Variants in SLCO1B1 observed in about 807,000 individuals in gnomAD.
SLCO1B1 encodes solute carrier organic anion transporter family member 1B1.
In SLCO1B1, 81 loss-of-function variants were observed where a neutral mutation model predicts 70.1. The ratio of observed to expected loss-of-function variants is 1.16; its 90% CI spans 0.97 to 1.39. The LOEUF is 1.39. Among genes scored for constraint, SLCO1B1 ranks in the 40% most tolerant of loss-of-function variants. SLCO1B1 has a pLI of 0.00. For missense variants in SLCO1B1, 895 were observed against 799.6 expected (o/e 1.12, Z -1.44); for synonymous variants, 283 against 271.5 (o/e 1.04, Z -0.42).
intron 10 of SLCO1B1, among the ~76,000 whole-genome samples, chr12:21,203,261 G>A (rs900425414): frequency 5.3e-5 from 8 of 151,914 alleles, no homozygotes; most frequent in Non-Finnish European, 7.4e-5. Context: ...ATTGGAAGTA[G>A]CATTAAGAAA....
chr12:21,188,147 A>G (rs1353317412), intron 7 of SLCO1B1, among the ~76,000 whole-genome samples: 2 of 152,074 alleles, frequency 1.3e-5, no homozygotes, highest in African/African-American at 4.8e-5. Context: ...CCACAAAGTC[A>G]AATAGAAATT....
At chr12:21,137,600 A>C (rs1214491936) in intron 1 of SLCO1B1, among the ~76,000 whole-genome samples, 2 of 152,168 alleles carry the variant, frequency 1.3e-5, no homozygotes, top group Non-Finnish European at 2.9e-5. Flanking sequence ...CTGTGCTTGC[A>C]ATGAGCGAGA....
At chr12:21,199,745 C>T (rs969124341) in intron 8 of SLCO1B1, among the ~76,000 whole-genome samples, 1 of 151,722 alleles carries the variant, frequency 6.6e-6, no homozygotes, top group African/African-American at 2.4e-5. Flanking sequence ...AAATAAGAAA[C>T]ATCATATGTC....
intron 2 of SLCO1B1, among the ~76,000 whole-genome samples, chr12:21,144,738 A>G (rs1474664772): frequency 6.6e-6 from 1 of 152,200 alleles, no homozygotes; most frequent in African/African-American, 2.4e-5. Context: ...CTTACAAGCT[A>G]GAAGAGATTG....
intron 12 of SLCO1B1, among the ~76,000 whole-genome samples, chr12:21,220,835 A>G (rs2084434368): frequency 6.6e-6 from 1 of 151,676 alleles, no homozygotes; most frequent in Admixed American, 6.6e-5. Flanking sequence ...AAAAAAGAAA[A>G]GAAAACCACA....
At chr12:21,181,471 C>G in intron 7 of SLCO1B1, among the ~76,000 whole-genome samples, 1 of 152,060 alleles carries the variant, frequency 6.6e-6, no homozygotes, top group East Asian at 1.9e-4. Flanking sequence ...TCATATAAAT[C>G]AAATTTAAAC....
chr12:21,233,410 G>C (rs1273873729), intron 14 of SLCO1B1, among the ~76,000 whole-genome samples: 1 of 151,974 alleles, frequency 6.6e-6, no homozygotes. Context: ...CAAGAATTCC[G>C]AGTCTTCCTC....
In SLCO1B1 at chr12:21,176,903, A is replaced by T; in HGVS notation, c.481+6A>T. 1.3e-6 allele frequency: 2 copies of T among 1,545,150 alleles called. No homozygotes were observed. The highest frequency in any genetic ancestry group is 1.8e-6 in the Non-Finnish European group (2 of 1,117,406). ...ACCTGAGATAGTGGGAAAAGGTAAG[A>T]ATTAATATTGACAGTAAAAAGTCTT... On this transcript the variant is annotated splice_donor_region_variant and intron_variant, in intron 5 of 14. Transcript: ENST00000256958.
intron 8 of SLCO1B1, among the ~76,000 whole-genome samples, chr12:21,197,755 T>G (rs11045856): frequency 0.16 from 24,626 of 152,024 alleles, 2,642 homozygotes; most frequent in Non-Finnish European, 0.24. Context: ...TAATATTTAT[T>G]TTGGTAATTA....
Position 21,220,011 on chromosome 12 carries a change from T to C in SLCO1B1, c.1683-2289T>C, listed in dbSNP as rs550124324. 2.0e-5 allele frequency among the ~76,000 whole-genome samples: 3 copies of C among 152,328 alleles called. 1 individual carries two copies. In the South Asian group the frequency reaches 6.2e-4, roughly 32 times the overall value. ...CCTGACCTCAAGTGATCTGCTAGCC[T>C]CTGCCTCTCAAAGTGCTGGGATTAC... is the stretch of plus-strand genomic sequence containing the variant. On this transcript the variant is annotated intron_variant, in intron 12 of 14. Coordinates refer to ENST00000256958, the MANE Select transcript of SLCO1B1 (RefSeq NM_006446.5).
Position 21,205,908 on chromosome 12 carries a change from T to C in SLCO1B1, c.1372T>C (p.Tyr458His), listed in dbSNP as rs953968867. 9 of 1,610,908 alleles carry C rather than the reference T, an allele frequency of 5.6e-6. No homozygotes were observed. The highest frequency in any genetic ancestry group is 2.7e-5 in the African/African-American group (2 of 74,812). ...ATCTCATAGAGATGTACCACTTTCT[T>C]ATTGCAACTCAGACTGCAATTGTGA... is the stretch of plus-strand genomic sequence containing the variant. ...VTSHRDVPLS[Y>H]CNSDCNCDES... Residue 458 changes from tyrosine (Y) to histidine (H), a missense_variant, in exon 11 of 15, where the codon TAT becomes CAT. Physicochemically the swap from Tyr to His is moderately conservative, Grantham distance 83. Transcript: ENST00000256958.
chr12:21,211,655 C>T (rs963870162), intron 11 of SLCO1B1, among the ~76,000 whole-genome samples: 2,088 of 152,126 alleles, frequency 0.014, 44 homozygotes, highest in African/African-American at 0.048. Context: ...CCTCCTTGTA[C>T]CTCTGGTAGA....
rs373461116 is a variant in SLCO1B1, at chr12:21,185,830, A to G, written c.727+6810A>G. On this transcript the variant is annotated intron_variant, in intron 7 of 14. Coordinates refer to ENST00000256958, the MANE Select transcript of SLCO1B1 (RefSeq NM_006446.5). ...CAAAAAGATTAATAGACTGTTAACT[A>G]GATTAACAAGGAAAAAAAGGAGACC... is the stretch of plus-strand genomic sequence containing the variant. Among the ~76,000 whole-genome samples, 235 of 152,208 alleles carry G rather than the reference A, an allele frequency of 1.5e-3. 1 individual carries two copies. The highest frequency in any genetic ancestry group is 5.4e-3 in the African/African-American group (225 of 41,576).
chr12:21,235,400 T>C (rs1941587253), intron 14 of SLCO1B1, among the ~76,000 whole-genome samples: 1 of 150,824 alleles, frequency 6.6e-6, no homozygotes, highest in African/African-American at 2.4e-5. Context: ...GAAAGATAGA[T>C]CTTTCTTCAT....
At chr12:21,188,460 G>T (rs1193673553) in intron 7 of SLCO1B1, among the ~76,000 whole-genome samples, 2 of 152,072 alleles carry the variant, frequency 1.3e-5, no homozygotes, top group Admixed American at 6.6e-5. Context: ...TTAATCAACT[G>T]TTTATGTTAT....
chr12:21,167,225 AC>A (rs1329493189), intron 2 of SLCO1B1, among the ~76,000 whole-genome samples: 2 of 152,234 alleles, frequency 1.3e-5, no homozygotes, highest in African/African-American at 4.8e-5. Flanking sequence ...AGAAATCTTG[AC>A]AGTTTACATT....
Position 21,202,553 on chromosome 12 carries a change from T to G in SLCO1B1, c.1198T>G (p.Phe400Val), listed in dbSNP as rs1228465562. Reference protein sequence around the residue: ...MFLGGYIIKKFKLNTVGIAKF... With the variant: ...MFLGGYIIKKVKLNTVGIAKF... ...TTTAGGAGGATATATCATTAAAAAA[T>G]TCAAACTGAACACCGTTGGAATTGC... Residue 400 changes from phenylalanine to valine, a missense_variant, in exon 10 of 15, where the codon TTC (phenylalanine) becomes GTC (valine). Transcript: ENST00000256958. 11 of 1,612,294 alleles carry G rather than the reference T, an allele frequency of 6.8e-6. No individual in the cohort carries two copies. In the Admixed American group the frequency reaches 1.5e-4, roughly 22 times the overall value.
At chr12:21,237,137 TTAAC>T (rs1468367854) in intron 14 of SLCO1B1, among the ~76,000 whole-genome samples, 2 of 152,186 alleles carry the variant, frequency 1.3e-5, no homozygotes, top group Non-Finnish European at 2.9e-5. Flanking sequence ...TGTTGTGTTC[TTAAC>T]TAAATAGTCT....
chr12:21,236,138 C>T (rs1266924540), intron 14 of SLCO1B1, among the ~76,000 whole-genome samples: 3 of 152,128 alleles, frequency 2.0e-5, no homozygotes, highest in African/African-American at 4.8e-5. Flanking sequence ...GGAAATTACC[C>T]TCTATCCAGA....
Sources: allele counts gnomAD v4.1 joint callset (sites outside exome capture counted in the v4.1 genomes callset), GRCh38; gene constraint gnomAD v4.1.1; transcripts MANE v1.5; gene names NCBI Gene and HGNC (gene_info 2026-07-23, HGNC 2026-07-21).